The following GRPR variants were observed in gnomAD, a reference collection of about 807,000 sequenced individuals.
GRPR encodes gastrin releasing peptide receptor.
A neutral mutation model predicts 15.6 loss-of-function variants in GRPR; 4 were observed. That is an observed-to-expected ratio of 0.26 (90% CI 0.13 to 0.59). GRPR has a LOEUF of 0.59. Among genes scored for constraint, GRPR ranks in the 20% least tolerant of loss-of-function variants. The pLI is 0.90. For missense variants in GRPR, 270 were observed against 304.1 expected (o/e 0.89, Z 0.83); for synonymous variants, 128 against 126.8 (o/e 1.01, Z -0.06).
chrX:16,137,347 G>A (rs939769577), intron 1 of GRPR, among the ~76,000 whole-genome samples: 1 of 112,068 alleles, frequency 8.9e-6, no homozygotes, highest in Non-Finnish European at 1.9e-5. Flanking sequence ...GATGCTAACT[G>A]TTGTTTAAAT....
chrX:16,140,732 C>T (rs1044384437), intron 1 of GRPR, among the ~76,000 whole-genome samples: 2 of 111,713 alleles, frequency 1.8e-5, no homozygotes, highest in Non-Finnish European at 3.8e-5. Flanking sequence ...ACCGTGGTGC[C>T]CTTTACTGGC....
intron 2 of GRPR, 40 bp from the exon 3 acceptor site, chrX:16,152,216 C>G: frequency 8.9e-7 from 1 of 1,126,377 alleles, no homozygotes; most frequent in Non-Finnish European, 1.2e-6. Context: ...GACACTGTCC[C>G]TTGGTTCCTC....
At chrX:16,151,487 G>A (rs1922702633) in intron 2 of GRPR, among the ~76,000 whole-genome samples, 1 of 111,795 alleles carries the variant, frequency 8.9e-6, no homozygotes, top group African/African-American at 3.3e-5. Context: ...ACCCTTTAAC[G>A]TTCATTATTT....
chrX:16,146,949 C>A (rs1464895789), intron 1 of GRPR, among the ~76,000 whole-genome samples: 2 of 111,866 alleles, frequency 1.8e-5, no homozygotes, highest in African/African-American at 6.5e-5. Flanking sequence ...AATTTCCCAT[C>A]TGCAGAGTGG....
In GRPR at chrX:16,152,556, A is replaced by T. The variant is rs1344834217; in HGVS notation, c.1066A>T (p.Thr356Ser). Residue 356 changes from threonine to serine, a missense_variant, in exon 3 of 3, where the codon ACC (threonine) becomes TCC (serine). Physicochemically the swap from Thr to Ser is moderately conservative, Grantham distance 58. Around this residue, in one of 3 missense-constraint regions of GRPR, gnomAD observed 133 missense variants for 123.4 expected, o/e 1.08. Transcript: ENST00000380289. ...GTCTCACAGCACTGGAAGGAGTACA[A>T]CCTGCATGACCTCCCTCAAGAGTAC... ...IRSHSTGRST[T>S]CMTSLKSTNP... The T allele has an allele frequency of 8.3e-7, 1 of 1,203,957 alleles. No individual in the cohort carries two copies. The highest frequency in any genetic ancestry group is 1.7e-5 in the African/African-American group (1 of 57,661).
intron 1 of GRPR, among the ~76,000 whole-genome samples, chrX:16,149,456 G>C (rs1485034531): frequency 9.0e-6 from 1 of 110,725 alleles, no homozygotes; most frequent in Non-Finnish European, 1.9e-5. Flanking sequence ...TACTTCAAGA[G>C]AAGATAAGGC....
At chrX:16,141,875 C>G (rs1290181861) in intron 1 of GRPR, among the ~76,000 whole-genome samples, 1 of 112,029 alleles carries the variant, frequency 8.9e-6, no homozygotes, top group Non-Finnish European at 1.9e-5. Flanking sequence ...AGTGAGTGGC[C>G]CACTATCTAG....
At chrX:16,142,388 A>AT (rs1439607187) in intron 1 of GRPR, among the ~76,000 whole-genome samples, 1 of 110,318 alleles carries the variant, frequency 9.1e-6, no homozygotes, top group Admixed American at 9.6e-5. Flanking sequence ...CATTTCCTAG[A>AT]TTTTTTTTCT....
intron 1 of GRPR, among the ~76,000 whole-genome samples, chrX:16,132,107 T>C (rs985557566): frequency 2.7e-5 from 3 of 112,353 alleles, no homozygotes; most frequent in African/African-American, 9.7e-5. Context: ...GTTGAATTGA[T>C]GAATGGATGG....
intron 1 of GRPR, among the ~76,000 whole-genome samples, chrX:16,148,768 G>C (rs187919660): frequency 1.8e-5 from 2 of 111,485 alleles, no homozygotes; most frequent in East Asian, 5.7e-4. Context: ...ATCCTCTGGT[G>C]GGTTCTCAGA....
intron 1 of GRPR, among the ~76,000 whole-genome samples, chrX:16,135,840 T>C (rs1331195603): frequency 8.9e-6 from 1 of 112,438 alleles, no homozygotes; most frequent in Non-Finnish European, 1.9e-5. Context: ...AATTTCATTA[T>C]TATCTTTTCT....
Position 16,140,466 on chromosome X carries a change from A to G in GRPR, c.414-9839A>G, listed in dbSNP as rs187767591. ...AAATGTACATAGTGAGGGTGTCCAT[A>G]TCCCCTGGCACAACTCAGAGGTCAC... On this transcript the variant is annotated intron_variant, in intron 1 of 2. Transcript: ENST00000380289. 2.7e-5 allele frequency among the ~76,000 whole-genome samples: 3 copies of G among 111,656 alleles called. No homozygotes were observed. In the Admixed American group the frequency reaches 2.8e-4, roughly 11 times the overall value.
Position 16,152,274 on chromosome X carries a change from C to G in GRPR, c.784C>G (p.Leu262Val), listed in dbSNP as rs1477247746. 7.5e-6 allele frequency: 9 copies of G among 1,206,776 alleles called. No individual in the cohort carries two copies. In the Admixed American group the frequency reaches 2.0e-4, roughly 26 times the overall value. Residue 262 changes from leucine to valine, a missense_variant, in exon 3 of 3, where the codon CTT (leucine) becomes GTT (valine). Coordinates refer to ENST00000380289, the MANE Select transcript of GRPR (RefSeq NM_005314.3). Reference protein sequence around the residue: ...VKKQIESRKRLAKTVLVFVGL... With the variant: ...VKKQIESRKRVAKTVLVFVGL... Reference sequence around the variant, plus strand: ...TCCTTAGATTGAATCCCGGAAGCGACTTGCCAAGACAGTGCTGGTGTTTGT... The same window carrying G: ...TCCTTAGATTGAATCCCGGAAGCGAGTTGCCAAGACAGTGCTGGTGTTTGT...
Position 16,123,977 on chromosome X carries a change from T to A in GRPR, c.24T>A (p.Leu8=). The change falls in exon 1 of 3, where the codon CTT becomes CTA. Residue 8 remains leucine, a synonymous_variant. Transcript: ENST00000380289. ...AGATGGCTCTAAATGACTGTTTCCT[T>A]CTGAACTTGGAGGTGGACCATTTCA... The part of the protein sequence containing the change: MALNDCF[L]LNLEVDHFMH... 1 of 1,210,046 alleles carries A rather than the reference T, an allele frequency of 8.3e-7. No homozygotes were observed. Among genetic ancestry groups the A allele is most frequent in the Non-Finnish European group, 1.1e-6 (1 of 894,164 alleles).
chrX:16,148,884 G>A (rs777146768), intron 1 of GRPR, among the ~76,000 whole-genome samples: 2 of 111,590 alleles, frequency 1.8e-5, no homozygotes, highest in South Asian at 7.7e-4. Flanking sequence ...CTCCCTTGAA[G>A]AAGAGACTTG....
intron 1 of GRPR, among the ~76,000 whole-genome samples, chrX:16,133,803 G>C (rs1024543912): frequency 1.8e-5 from 2 of 111,120 alleles, no homozygotes; most frequent in Non-Finnish European, 3.8e-5. Context: ...CTTTCTTTCT[G>C]ATTTTCAGCA....
intron 1 of GRPR, among the ~76,000 whole-genome samples, chrX:16,130,971 C>T (rs191923739): frequency 3.6e-5 from 4 of 112,224 alleles, no homozygotes; most frequent in East Asian, 2.8e-4. Context: ...CTCTTTCAAG[C>T]GGATCAGGAG....
chrX:16,130,962 T>C (rs762482057), intron 1 of GRPR, among the ~76,000 whole-genome samples: 3 of 112,390 alleles, frequency 2.7e-5, no homozygotes, highest in Non-Finnish European at 5.6e-5. Flanking sequence ...CCAGCAAGGC[T>C]CTTTCAAGCG....
At chrX:16,131,214 A>G (rs1290710375) in intron 1 of GRPR, among the ~76,000 whole-genome samples, 1 of 111,790 alleles carries the variant, frequency 8.9e-6, no homozygotes, top group African/African-American at 3.3e-5. Context: ...CTAAATTTAC[A>G]TTTTTGAGCT....
Sources: gnomAD v4.1 joint callset for allele counts (sites outside exome capture counted in the v4.1 genomes callset) on GRCh38, gnomAD v4.1.1 for gene constraint, gnomAD v4.1.1 regional missense constraint, MANE v1.5 for transcripts, NCBI Gene and HGNC (gene_info 2026-07-23, HGNC 2026-07-21) for gene names.